SPTAN1: variants seen among roughly 807,000 people sequenced by gnomAD.
The protein encoded by SPTAN1 is spectrin alpha, non-erythrocytic 1, also known as spectrin alpha chain, non-erythrocytic 1.
Under a neutral mutation model 331.3 loss-of-function variants are expected in SPTAN1, and 61 were observed. The observed-to-expected ratio is 0.18, with a 90% CI of 0.15 to 0.23. The LOEUF is 0.23. Ranked by LOEUF, SPTAN1 falls within the 10% of genes least tolerant of loss-of-function variation. The probability of loss-of-function intolerance (pLI) is 1.00; values close to 1 mark genes in which losing one functional copy is unlikely to be tolerated. For synonymous variants in SPTAN1, 1,153 were observed against 1,173.9 expected, an observed-to-expected ratio of 0.98 and a Z score of 0.36; for missense variants, 2,043 against 3,147.9, an observed-to-expected ratio of 0.65 and a Z score of 8.40.
At chr9:128,575,407 A>G (rs1385830986) in intron 5 of SPTAN1, 62 bp downstream of exon 5, 15 of 1,584,096 alleles carry the variant, frequency 9.5e-6, no homozygotes, top group East Asian at 9.0e-5. Flanking sequence ...TAGTATATTC[A>G]GGATAAAATT....
chr9:128,582,676 G>A lies in SPTAN1; in HGVS notation c.1651-18G>A, dbSNP rs758951665. ...GGGAGTGAACACTAGAGACTCACAGGGGATCCTTGTCTTTCAGCTGTTGAG... is the reference window on the plus strand; with the variant it reads ...GGGAGTGAACACTAGAGACTCACAGAGGATCCTTGTCTTTCAGCTGTTGAG... On this transcript the variant is annotated intron_variant, in intron 13 of 56. Coordinates refer to ENST00000372739, the MANE Select transcript of SPTAN1 (RefSeq NM_001130438.3). 6.2e-7 allele frequency: 1 copy of A among 1,612,092 alleles called. No individual in the cohort carries two copies. The highest frequency in any genetic ancestry group is 1.3e-5 in the African/African-American group (1 of 74,910).
At chr9:128,588,706 T>G (rs771266011) in intron 20 of SPTAN1, 103 bp from the exon 21 acceptor site, 317 of 1,491,814 alleles carry the variant, frequency 2.1e-4, no homozygotes, top group Non-Finnish European at 2.2e-4. Flanking sequence ...GAGTGTATAT[T>G]TGGTACATTT....
rs374394049 is a variant in SPTAN1 at position 128,608,140 on chromosome 9, G to A, written c.4355G>A (p.Arg1452Gln). Reference sequence around the variant, plus strand: ...TCTTGCCCTCTTTAGCTGTTCCATCGGGACTGTGAGCAAGCTGAGAACTGG... The same window carrying A: ...TCTTGCCCTCTTTAGCTGTTCCATCAGGACTGTGAGCAAGCTGAGAACTGG... ...DQCLELQLFH[R>Q]DCEQAENWMA... is the part of the protein sequence containing the mutation. The change falls in exon 34 of 57, where the codon CGG (arginine) becomes CAG (glutamine). Residue 1452 changes from arginine to glutamine, a missense_variant. Arg to Gln is a conservative substitution (Grantham distance 43). This residue lies in a region of SPTAN1 where 179 missense variants were observed against 215.7 expected (regional missense o/e 0.83). Coordinates refer to ENST00000372739, the MANE Select transcript of SPTAN1 (RefSeq NM_001130438.3). The A allele has an allele frequency of 2.5e-6, 4 of 1,614,098 alleles. No homozygotes were observed. Among genetic ancestry groups the A allele is most frequent in the Non-Finnish European group, 3.4e-6 (4 of 1,180,014 alleles).
chr9:128,606,374 C>CGAAAAAA (rs1855856622), intron 31 of SPTAN1, among the ~76,000 whole-genome samples: 1 of 58,744 alleles, frequency 1.7e-5, no homozygotes, highest in African/African-American at 5.8e-5. Context: ...GACTCTGCCT[C>CGAAAAAA]AAAAAAAAAA....
chr9:128,589,953 A>G (rs555969051), intron 21 of SPTAN1, among the ~76,000 whole-genome samples: 14 of 152,150 alleles, frequency 9.2e-5, no homozygotes, highest in Non-Finnish European at 1.8e-4. Context: ...ACCTCACCCC[A>G]CAGGCTTTGT....
rs1052967611 is a variant in SPTAN1, at chr9:128,585,684, T to C, written c.2561-64T>C. The C allele has an allele frequency of 1.0e-4, 144 of 1,379,278 alleles. 1 individual carries two copies. The Admixed American group carries it at 1.6e-3, about 15-fold the overall frequency. The allele number at this position is 1,379,278 out of a possible 1,614,324, so 85.4% of individuals were successfully genotyped here. ...GCCGTGAACACACAGAGAAAACTTA[T>C]TTTTGTCCTTCTGTGATGTGTCAAC... On this transcript the variant is annotated intron_variant, in intron 18 of 56. Transcript: ENST00000372739.
intron 19 of SPTAN1, among the ~76,000 whole-genome samples, chr9:128,586,986 T>G (rs1852736521): frequency 6.6e-6 from 1 of 151,878 alleles, no homozygotes; most frequent in South Asian, 2.1e-4. Flanking sequence ...CCCAGCTAAC[T>G]TTTTTTGTAT....
rs1474388370 is a variant in SPTAN1, at chr9:128,606,523, G to C, written c.4046+1046G>C. ...GGGGGGGGAAGCGTTTCGCTTTTGT[G>C]CCCAGGCTGGAGTGCAGTGGTGCGA... On this transcript the variant is annotated intron_variant, in intron 31 of 56. Transcript: ENST00000372739. Among the ~76,000 whole-genome samples the C allele has an allele frequency of 6.2e-5, 9 of 145,404 alleles. No homozygotes were observed. In the South Asian group the frequency reaches 1.1e-3, roughly 18 times the overall value.
At position 128,583,721 on chromosome 9, in the gene SPTAN1, T is replaced by C. The variant is rs376626869; in HGVS notation, c.2012-67T>C. 1.0e-5 allele frequency: 16 copies of C among 1,542,134 alleles called. No homozygotes were observed. In the East Asian group the frequency reaches 2.9e-4, roughly 28 times the overall value. ...ATAGTCCTTCACTAAGATACTACTG[T>C]TCATGGGCAGTGTTGGCAGAAGGGT... On this transcript the variant is annotated intron_variant, in intron 15 of 56. Coordinates refer to ENST00000372739, the MANE Select transcript of SPTAN1 (RefSeq NM_001130438.3).
intron 24 of SPTAN1, 56 bp downstream of exon 24, chr9:128,594,429 A>ATT (rs10679469): frequency 0.17 from 127,546 of 736,250 alleles, 230 homozygotes; most frequent in Non-Finnish European, 0.19. Context: ...GAGTCTCTTG[A>ATT]TTTTTTTTTT....
Position 128,627,487 on chromosome 9 carries a change from C to G in SPTAN1, c.6678C>G (p.Ile2226Met). The G allele has an allele frequency of 1.3e-6, 2 of 1,551,164 alleles. No homozygotes were observed. Among genetic ancestry groups the G allele is most frequent in the Non-Finnish European group, 8.7e-7 (1 of 1,147,050 alleles). Residue 2226 changes from isoleucine (I) to methionine (M), a missense_variant, in exon 50 of 57, where the codon ATC (isoleucine) becomes ATG (methionine). Around this residue, in one of 12 missense-constraint regions of SPTAN1, gnomAD observed 256 missense variants for 376.4 expected, o/e 0.68. Transcript: ENST00000372739. The surrounding 1 kb of genome is among the most constrained non-coding windows in gnomAD (Gnocchi z 4.9). Reference sequence around the variant, plus strand: ...ACGCCAACGCCTTCCACCAGTGGATCCAAGAGACCAGGTGCCAGCCCGCTG... The same window carrying G: ...ACGCCAACGCCTTCCACCAGTGGATGCAAGAGACCAGGTGCCAGCCCGCTG... ...AQHANAFHQW[I>M]QETRTYLLDG...
rs1049088661 is a variant in SPTAN1 at position 128,627,133 on chromosome 9, G to T, written c.6577-253G>T. 9 of 610,398 alleles carry T rather than the reference G, an allele frequency of 1.5e-5. No individual in the cohort carries two copies. The Admixed American group carries it at 1.7e-4, about 12-fold the overall frequency. The allele number at this position is 610,398 out of a possible 1,614,324, so 37.8% of individuals were successfully genotyped here. The stretch of plus-strand genomic sequence containing the variant: ...CAGCCAGAAGTTTCCATTTCTGACA[G>T]TCCAGCAACTCCCTGCTTGACTGAC... On this transcript the variant is annotated intron_variant, in intron 49 of 56. Transcript: ENST00000372739. The surrounding 1 kb of genome is among the most constrained non-coding windows in gnomAD (Gnocchi z 4.9).
rs1320924027 is a variant in SPTAN1, at chr9:128,625,284, A to G, written c.6069+105A>G. On this transcript the variant is annotated intron_variant, in intron 47 of 56. Transcript: ENST00000372739. This position sits in a 1 kb window ranked among gnomAD's most constrained non-coding sequence, Gnocchi z 4.1. ...ATTTATCTTCTGTTAGCCCCTGGGGATCAGCAGGAAAAAGATCCTGTCCTG... is the reference window on the plus strand; with the variant it reads ...ATTTATCTTCTGTTAGCCCCTGGGGGTCAGCAGGAAAAAGATCCTGTCCTG... The G allele has an allele frequency of 8.4e-7, 1 of 1,184,216 alleles. No individual in the cohort carries two copies. The highest frequency in any genetic ancestry group is 1.2e-6 in the Non-Finnish European group (1 of 807,868). The allele number at this position is 1,184,216 out of a possible 1,614,324, so 73.4% of individuals were successfully genotyped here.
intron 46 of SPTAN1, 130 bp downstream of exon 46, chr9:128,624,617 G>A: frequency 8.4e-7 from 1 of 1,187,140 alleles, no homozygotes; most frequent in Non-Finnish European, 1.2e-6. Context: ...TACTACCAGG[G>A]CAGACCACTG....
At chr9:128,611,004 C>T (rs942027898) in intron 37 of SPTAN1, among the ~76,000 whole-genome samples, 1 of 152,058 alleles carries the variant, frequency 6.6e-6, no homozygotes, top group Admixed American at 6.6e-5. Context: ...ATGAAATGTC[C>T]ATATGTATCT....
At chr9:128,578,835 G>GAAAAAA (rs10600950) in intron 9 of SPTAN1, among the ~76,000 whole-genome samples, 1 of 119,234 alleles carries the variant, frequency 8.4e-6, no homozygotes, top group Non-Finnish European at 1.8e-5. Flanking sequence ...CTGTCTCAAA[G>GAAAAAA]AAAAAAAAAA....
At chr9:128,586,163 G>A (rs1852608245) in intron 19 of SPTAN1, among the ~76,000 whole-genome samples, 198 bp downstream of exon 19, 1 of 143,272 alleles carries the variant, frequency 7.0e-6, no homozygotes, top group African/African-American at 2.7e-5. Flanking sequence ...CTCTTGCCCA[G>A]GCTGGACTGC....
chr9:128,609,289 G>A lies in SPTAN1; in HGVS notation c.4758+5G>A, dbSNP rs1589316336. The A allele has an allele frequency of 1.2e-6, 2 of 1,614,238 alleles. No individual in the cohort carries two copies. Among genetic ancestry groups the A allele is most frequent in the Non-Finnish European group, 1.7e-6 (2 of 1,180,046 alleles). Reference sequence around the variant, plus strand: ...AAGGATCCCACCAACATCCAGGTAAGCTGAAGTGACTGGGTGTTGGTCTTG... The same window carrying A: ...AAGGATCCCACCAACATCCAGGTAAACTGAAGTGACTGGGTGTTGGTCTTG... On this transcript the variant is annotated splice_donor_5th_base_variant and intron_variant, in intron 36 of 56. Coordinates refer to ENST00000372739, the MANE Select transcript of SPTAN1 (RefSeq NM_001130438.3).
intron 24 of SPTAN1, 65 bp from the exon 25 acceptor site, chr9:128,598,335 A>T: frequency 8.3e-7 from 1 of 1,201,824 alleles, no homozygotes; most frequent in Admixed American, 2.0e-5. Flanking sequence ...ATAGTTTGTG[A>T]CTATGTCTCC....
Sources: allele counts gnomAD v4.1 joint callset (sites outside exome capture counted in the v4.1 genomes callset), GRCh38; gene constraint gnomAD v4.1.1; regional missense constraint gnomAD v4.1.1; non-coding constraint Gnocchi (gnomAD v3.1); transcripts MANE v1.5; gene names NCBI Gene and HGNC (gene_info 2026-07-23, HGNC 2026-07-21).